The following RANBP17 variants were observed in gnomAD, a reference collection of about 807,000 sequenced individuals.
RANBP17 encodes ran-binding protein 17.
A neutral mutation model predicts 141.2 loss-of-function variants in RANBP17; 158 were observed. That is an observed-to-expected ratio of 1.12 (90% confidence interval 0.98 to 1.28). RANBP17 has a LOEUF of 1.28. RANBP17 is among the 50% of genes most tolerant of loss of function. The probability of loss-of-function intolerance (pLI) is 0.00; values close to 1 mark genes in which losing one functional copy is unlikely to be tolerated. For missense variants in RANBP17, 1,438 were observed against 1,290.7 expected (o/e 1.11, Z -1.75); for synonymous variants, 430 against 450.0 (o/e 0.96, Z 0.56).
At chr5:171,292,361 C>G (rs1768543693) in intron 25 of RANBP17, among the ~76,000 whole-genome samples, 1 of 152,204 alleles carries the variant, frequency 6.6e-6, no homozygotes, top group African/African-American at 2.4e-5. Flanking sequence ...GCACTTTTTA[C>G]TCTTTGCAAT....
chr5:171,288,932 C>G (rs1768323908), intron 25 of RANBP17, among the ~76,000 whole-genome samples: 1 of 152,184 alleles, frequency 6.6e-6, no homozygotes, highest in Non-Finnish European at 1.5e-5. Context: ...AAAACAAGAT[C>G]CTTGCAAATG....
intron 14 of RANBP17, among the ~76,000 whole-genome samples, chr5:171,015,705 T>G (rs1404930834): frequency 6.6e-6 from 1 of 152,184 alleles, no homozygotes; most frequent in African/African-American, 2.4e-5. Context: ...ACAAATTACT[T>G]GGAAACAGTG....
At position 171,241,006 on chromosome 5, in the gene RANBP17, A is replaced by G. The variant is rs1347507756; in HGVS notation, c.2501A>G (p.Tyr834Cys). The G allele has an allele frequency of 7.4e-6, 12 of 1,613,862 alleles. No individual in the cohort carries two copies. The highest frequency in any genetic ancestry group is 2.7e-5 in the African/African-American group (2 of 74,908). ...AAACTCAAGGGCATCTCCATCTGCT[A>G]TTCAGCTCTCAAGTCTGCCTTGTGT... ...PMKLKGISIC[Y>C]SALKSALCGN... The change falls in exon 23 of 28, where the codon TAT (tyrosine) becomes TGT (cysteine). Residue 834 changes from tyrosine to cysteine, a missense_variant. Transcript: ENST00000523189.
chr5:171,119,541 G>A (rs187689331), intron 14 of RANBP17, among the ~76,000 whole-genome samples: 26 of 152,268 alleles, frequency 1.7e-4, no homozygotes, highest in Admixed American at 8.5e-4. Context: ...AATAACAGTG[G>A]TGAAAGTGAA....
chr5:171,248,077 C>G (rs1187397212), intron 24 of RANBP17, among the ~76,000 whole-genome samples: 4 of 152,116 alleles, frequency 2.6e-5, no homozygotes, highest in Admixed American at 2.6e-4. Flanking sequence ...ATAAAGAACT[C>G]ACAGGAAGGC....
intron 14 of RANBP17, among the ~76,000 whole-genome samples, chr5:170,988,546 C>G (rs1189493484): frequency 6.6e-6 from 1 of 151,382 alleles, no homozygotes; most frequent in Non-Finnish European, 1.5e-5. Context: ...AAACCCAGTC[C>G]CTCCATCAGT....
intron 16 of RANBP17, among the ~76,000 whole-genome samples, chr5:171,179,604 C>T (rs1341226587): frequency 6.6e-6 from 1 of 152,048 alleles, no homozygotes; most frequent in Non-Finnish European, 1.5e-5. Flanking sequence ...AGTATGATTA[C>T]CCACTCTCTT....
intron 26 of RANBP17, 31 bp from the exon 27 acceptor site, chr5:171,295,856 G>A (rs761581942): frequency 1.5e-5 from 24 of 1,607,096 alleles, no homozygotes; most frequent in Middle Eastern, 1.7e-4. Flanking sequence ...ACTTGGAGTC[G>A]GAGCTCTGAC....
intron 25 of RANBP17, among the ~76,000 whole-genome samples, chr5:171,271,916 A>G (rs1767140454): frequency 6.6e-6 from 1 of 152,200 alleles, no homozygotes; most frequent in Admixed American, 6.5e-5. Context: ...AAGTGCTTCT[A>G]TTCACAATAG....
At chr5:170,969,801 C>G (rs1460091643) in intron 14 of RANBP17, among the ~76,000 whole-genome samples, 3 of 151,950 alleles carry the variant, frequency 2.0e-5, no homozygotes, top group Non-Finnish European at 4.4e-5. Flanking sequence ...TTTGAAAAAG[C>G]TTGCACTTTA....
At chr5:171,183,576 G>C (rs985666461) in intron 18 of RANBP17, 146 bp downstream of exon 18, 1 of 612,542 alleles carries the variant, frequency 1.6e-6, no homozygotes, top group African/African-American at 1.9e-5. Flanking sequence ...AGATTTGAGT[G>C]TTCACTTGTT....
intron 3 of RANBP17, among the ~76,000 whole-genome samples, chr5:170,890,787 G>T (rs1350728427): frequency 1.3e-5 from 2 of 152,148 alleles, no homozygotes; most frequent in African/African-American, 4.8e-5. Flanking sequence ...CAGTTTTGGT[G>T]TATTAACTTT....
chr5:171,183,523 T>A (rs1041608355), intron 18 of RANBP17, 93 bp downstream of exon 18: 2 of 800,510 alleles, frequency 2.5e-6, no homozygotes, highest in Non-Finnish European at 4.1e-6. Flanking sequence ...AACATTTAAC[T>A]TATTAGAATT....
intron 5 of RANBP17, 32 bp downstream of exon 5, chr5:170,896,147 G>C: frequency 6.8e-7 from 1 of 1,472,214 alleles, no homozygotes; most frequent in Non-Finnish European, 9.4e-7. Context: ...ACAGGAGCCT[G>C]AGTTTGCTTA....
chr5:170,919,258 A>G (rs1772230603), intron 10 of RANBP17, among the ~76,000 whole-genome samples, 183 bp from the exon 11 acceptor site: 2 of 152,052 alleles, frequency 1.3e-5, no homozygotes, highest in Non-Finnish European at 2.9e-5. Flanking sequence ...GGGTGGTAAA[A>G]TAATAGAGAT....
chr5:170,885,280 T>C (rs1769049363), intron 3 of RANBP17, among the ~76,000 whole-genome samples: 9 of 152,222 alleles, frequency 5.9e-5, no homozygotes, highest in Admixed American at 5.9e-4. Flanking sequence ...TAATCTTCTC[T>C]GACTAATCTT....
rs576943281 is a variant in RANBP17, at chr5:171,125,932, C to A, written c.1711-44198C>A. On this transcript the variant is annotated intron_variant, in intron 14 of 27. Coordinates refer to ENST00000523189, the MANE Select transcript of RANBP17 (RefSeq NM_022897.5). ...CCTCCAGAGTAGCTAGGGTTACAGG[C>A]GCGCACCACCACACCTGGCTATTTT... 2.1e-4 allele frequency among the ~76,000 whole-genome samples: 32 copies of A among 152,020 alleles called. No individual in the cohort carries two copies. The South Asian group carries it at 6.5e-3, about 31-fold the overall frequency.
At chr5:171,007,682 T>C (rs1277570205) in intron 14 of RANBP17, among the ~76,000 whole-genome samples, 1 of 152,122 alleles carries the variant, frequency 6.6e-6, no homozygotes, top group Non-Finnish European at 1.5e-5. Flanking sequence ...AAAAATTATC[T>C]AGGTCTCGTA....
chr5:170,932,555 A>G, intron 12 of RANBP17, among the ~76,000 whole-genome samples: 1 of 88,356 alleles, frequency 1.1e-5, no homozygotes, highest in South Asian at 1.1e-3. Context: ...TGTCATAAAT[A>G]GCTCTTATTT....
Sources: allele counts gnomAD v4.1 joint callset (sites outside exome capture counted in the v4.1 genomes callset), GRCh38; gene constraint gnomAD v4.1.1; transcripts MANE v1.5; gene names NCBI Gene and HGNC (gene_info 2026-07-23, HGNC 2026-07-21).